Variants in THEMIS2 observed in about 807,000 individuals in gnomAD.
The protein encoded by THEMIS2 is protein THEMIS2.
A neutral mutation model predicts 46.8 loss-of-function variants in THEMIS2; 29 were observed. The observed-to-expected ratio is 0.62, with a 90% CI of 0.46 to 0.84. The LOEUF (loss-of-function observed/expected upper bound fraction) is 0.84, where lower values mean the gene tolerates loss of function less well. THEMIS2 is among the 40% of genes least tolerant of loss of function. The pLI, the probability that THEMIS2 is intolerant of heterozygous loss-of-function variation, is 0.00. For synonymous variants in THEMIS2, 335 were observed against 349.1 expected (o/e 0.96, Z 0.45); for missense variants, 698 against 834.7 (o/e 0.84, Z 2.02).
In THEMIS2 at chr1:27,881,965, C is replaced by T. The variant is rs2089686169; in HGVS notation, c.647-6C>T. The T allele has an allele frequency of 6.2e-7, 1 of 1,600,816 alleles. No homozygotes were observed. The highest frequency in any genetic ancestry group is 8.5e-7 in the Non-Finnish European group (1 of 1,171,796). On this transcript the variant is annotated splice_polypyrimidine_tract_variant and splice_region_variant and intron_variant, in intron 3 of 5. Transcript: ENST00000373921. ...TGCAGTGCCACTGAGCTGCCCCTCT[C>T]CACAGTGCGCAGGACCATTGTCAAG...
intron 1 of THEMIS2, among the ~76,000 whole-genome samples, chr1:27,873,793 C>A (rs943275072): frequency 2.0e-5 from 3 of 152,172 alleles, no homozygotes; most frequent in African/African-American, 7.2e-5. Context: ...CCTTTGCCTG[C>A]TGGTGTTACA....
At chr1:27,885,211 A>T in intron 4 of THEMIS2, 84 bp from the exon 5 acceptor site, 1 of 1,423,148 alleles carries the variant, frequency 7.0e-7, no homozygotes, top group South Asian at 1.3e-5. Context: ...AGAGGAAGTG[A>T]CACTTAACGT....
intron 5 of THEMIS2, 31 bp from the exon 6 acceptor site, chr1:27,885,836 A>C (rs1396736255): frequency 6.2e-7 from 1 of 1,612,602 alleles, no homozygotes; most frequent in Non-Finnish European, 8.5e-7. Flanking sequence ...CCTAACGCTA[A>C]AGATCCTCAT....
In THEMIS2 at chr1:27,879,727, C is replaced by T. The variant is rs2148637769; in HGVS notation, c.319C>T (p.Leu107=). 6.2e-7 allele frequency: 1 copy of T among 1,614,124 alleles called. No homozygotes were observed. The highest frequency in any genetic ancestry group is 2.2e-5 in the East Asian group (1 of 44,866). Residue 107 remains leucine (L), a synonymous_variant, in exon 3 of 6, where the codon CTG becomes TTG. Transcript: ENST00000373921. ...VSATTQSSKQ[L]PTCFMSTHRI... ...TGCCACAACTCAGAGCTCCAAGCAG[C>T]TGCCCACTTGCTTCATGTCGACCCA...
At position 27,879,842 on chromosome 1, in the gene THEMIS2, G is replaced by A. The variant is rs774829838; in HGVS notation, c.434G>A (p.Arg145His). 4.3e-6 allele frequency: 7 copies of A among 1,612,960 alleles called. No individual in the cohort carries two copies. Among genetic ancestry groups the A allele is most frequent in the African/African-American group, 1.3e-5 (1 of 74,898 alleles). The change falls in exon 3 of 6, where the codon CGC (arginine) becomes CAC (histidine). Residue 145 changes from arginine (R) to histidine (H), a missense_variant. Arg to His is a conservative substitution (Grantham distance 29, BLOSUM62 0). Transcript: ENST00000373921. ...ATGCACCTCGGGATCCGCTCTGCCC[G>A]CTGTGTCCTGGGCATGGAGGGTCAG... ...VVMHLGIRSA[R>H]CVLGMEGQQV...
chr1:27,884,820 T>A (rs1237760287), intron 4 of THEMIS2: 1 of 160,234 alleles, frequency 6.2e-6, no homozygotes, highest in Non-Finnish European at 1.4e-5. Context: ...CTCTCCTACA[T>A]AAACTGGGAA....
intron 2 of THEMIS2, among the ~76,000 whole-genome samples, chr1:27,879,060 C>T (rs781712509): frequency 8.7e-5 from 13 of 150,056 alleles, no homozygotes; most frequent in South Asian, 4.2e-4. Flanking sequence ...TTCCCAAAAG[C>T]GGTATCATGT....
rs376827259 is a variant in THEMIS2 at position 27,882,707 on chromosome 1, C to G, written c.1383C>G (p.Asp461Glu). ...LPCEVKVVAKDTSHPTDPLTS... is the reference protein window; with the variant it reads ...LPCEVKVVAKETSHPTDPLTS... The stretch of plus-strand genomic sequence containing the variant: ...GTGAGGTCAAGGTGGTGGCCAAGGA[C>G]ACCAGCCACCCCACTGACCCTCTGA... Residue 461 changes from aspartate (D) to glutamate (E), a missense_variant, in exon 4 of 6, where the codon GAC becomes GAG. Coordinates refer to ENST00000373921, the MANE Select transcript of THEMIS2 (RefSeq NM_001105556.3). The surrounding 1 kb of genome is among the most constrained non-coding windows in gnomAD (Gnocchi z 7.6). The G allele has an allele frequency of 2.5e-5, 41 of 1,613,916 alleles. No homozygotes were observed. The highest frequency in any genetic ancestry group is 1.7e-4 in the Admixed American group (10 of 59,980).
chr1:27,873,335 G>A (rs2089521064), intron 1 of THEMIS2, among the ~76,000 whole-genome samples: 1 of 152,174 alleles, frequency 6.6e-6, no homozygotes, highest in African/African-American at 2.4e-5. Context: ...GGGAATAACA[G>A]ACAGTGGAGG....
rs373086905 is a variant in THEMIS2, at chr1:27,882,640, G to A, written c.1316G>A (p.Arg439His). Reference sequence around the variant, plus strand: ...GTGGAGGAGATGAGTGACAGCCGGCGCTACAGCCTGGCAGATCTGACTGCC... The same window carrying A: ...GTGGAGGAGATGAGTGACAGCCGGCACTACAGCCTGGCAGATCTGACTGCC... ...SFVEEMSDSR[R>H]YSLADLTAQF... Residue 439 changes from arginine (R) to histidine (H), a missense_variant, in exon 4 of 6, where the codon CGC (arginine) becomes CAC (histidine). Arg to His is a conservative substitution (Grantham distance 29). Transcript: ENST00000373921. This position sits in a 1 kb window ranked among gnomAD's most constrained non-coding sequence, Gnocchi z 7.6. 1.9e-5 allele frequency: 31 copies of A among 1,614,050 alleles called. No individual in the cohort carries two copies. The highest frequency in any genetic ancestry group is 2.0e-5 in the Non-Finnish European group (24 of 1,180,038).
Position 27,872,619 on chromosome 1 carries a change from C to A in THEMIS2, c.48C>A (p.Ala16=). 1 of 1,475,586 alleles carries A rather than the reference C, an allele frequency of 6.8e-7. No individual in the cohort carries two copies. The highest frequency in any genetic ancestry group is 2.9e-5 in the East Asian group (1 of 34,642). The allele number at this position is 1,475,586 out of a possible 1,614,324, so 91.4% of individuals were successfully genotyped here. A position where few individuals can be genotyped will look rare whatever the true frequency, so the allele number is the denominator to read the frequency against. The change falls in exon 1 of 6, where the codon GCC becomes GCA. Residue 16 remains alanine (A), a synonymous_variant. Transcript: ENST00000373921. This position sits in a 1 kb window ranked among gnomAD's most constrained non-coding sequence, Gnocchi z 4.9. ...LQDFVRALDP[A]SLPRVLRVCS... ...ACTTCGTGCGCGCCTTGGACCCCGC[C>A]TCCCTCCCGCGCGTGCTGCGGGTCT...
chr1:27,883,719 G>C (rs192200978), intron 4 of THEMIS2: 8 of 152,616 alleles, frequency 5.2e-5, no homozygotes, highest in African/African-American at 1.9e-4. Context: ...CCTCCTTCAG[G>C]CTCACAGGCA....
intron 3 of THEMIS2, among the ~76,000 whole-genome samples, chr1:27,880,643 A>C (rs1483115185): frequency 1.3e-5 from 2 of 152,214 alleles, no homozygotes; most frequent in East Asian, 3.9e-4. Flanking sequence ...TTTTTTAAAA[A>C]ATTAGCTAGG....
chr1:27,879,833 G>A lies in THEMIS2; in HGVS notation c.425G>A (p.Arg142His), dbSNP rs149302250. 14 of 1,613,402 alleles carry A rather than the reference G, an allele frequency of 8.7e-6. No individual in the cohort carries two copies. The highest frequency in any genetic ancestry group is 1.6e-4 in the Middle Eastern group (1 of 6,078). Residue 142 changes from arginine to histidine, a missense_variant, in exon 3 of 6, where the codon CGC becomes CAC. Physicochemically the swap from Arg to His is conservative, Grantham distance 29. Transcript: ENST00000373921. ...LEAVVMHLGI[R>H]SARCVLGMEG... Reference sequence around the variant, plus strand: ...GCTGTGGTGATGCACCTCGGGATCCGCTCTGCCCGCTGTGTCCTGGGCATG... The same window carrying A: ...GCTGTGGTGATGCACCTCGGGATCCACTCTGCCCGCTGTGTCCTGGGCATG...
intron 4 of THEMIS2, 27 bp downstream of exon 4, chr1:27,883,070 G>A: frequency 1.3e-6 from 2 of 1,578,796 alleles, no homozygotes; most frequent in Non-Finnish European, 8.6e-7. Context: ...AGAGGGCACG[G>A]AGGGGTCACC....
In THEMIS2 at chr1:27,882,450, G is replaced by A; in HGVS notation, c.1126G>A (p.Val376Met). Residue 376 changes from valine to methionine, a missense_variant, in exon 4 of 6, where the codon GTG (valine) becomes ATG (methionine). Val to Met is a conservative substitution (Grantham distance 21). Coordinates refer to ENST00000373921, the MANE Select transcript of THEMIS2 (RefSeq NM_001105556.3). The surrounding 1 kb of genome is among the most constrained non-coding windows in gnomAD (Gnocchi z 7.6). The part of the protein sequence containing the change: ...TSLAVGDRLE[V>M]LGPGQAHGAQ... Reference sequence around the variant, plus strand: ...CCTGGCTGTGGGTGACCGGCTGGAGGTGCTGGGGCCTGGCCAGGCCCATGG... The same window carrying A: ...CCTGGCTGTGGGTGACCGGCTGGAGATGCTGGGGCCTGGCCAGGCCCATGG... 1.2e-6 allele frequency: 2 copies of A among 1,612,750 alleles called. No individual in the cohort carries two copies. The highest frequency in any genetic ancestry group is 1.3e-5 in the African/African-American group (1 of 75,038).
rs913680334 is a variant in THEMIS2 at position 27,876,536 on chromosome 1, G to A, written c.95-52G>A. On this transcript the variant is annotated intron_variant, in intron 1 of 5. Transcript: ENST00000373921. ...CTTGTTGGGCACCAGGGCACAGGCTGCCCAGCACTTGGCCCTTGTCCAATG... is the reference window on the plus strand; with the variant it reads ...CTTGTTGGGCACCAGGGCACAGGCTACCCAGCACTTGGCCCTTGTCCAATG... The A allele has an allele frequency of 4.4e-6, 7 of 1,594,442 alleles. No individual in the cohort carries two copies. The African/African-American group carries it at 6.7e-5, about 15-fold the overall frequency.
At chr1:27,876,424 G>A (rs993617182) in intron 1 of THEMIS2, among the ~76,000 whole-genome samples, 164 bp from the exon 2 acceptor site, 1 of 152,110 alleles carries the variant, frequency 6.6e-6, no homozygotes, top group Non-Finnish European at 1.5e-5. Flanking sequence ...AGCTGAGGAC[G>A]ACTGAACCTG....
At position 27,879,823 on chromosome 1, in the gene THEMIS2, C is replaced by G; in HGVS notation, c.415C>G (p.Leu139Val). 1.2e-6 allele frequency: 2 copies of G among 1,613,784 alleles called. No homozygotes were observed. The highest frequency in any genetic ancestry group is 1.7e-4 in the Middle Eastern group (1 of 6,060). The change falls in exon 3 of 6, where the codon CTC (leucine) becomes GTC (valine). Residue 139 changes from leucine to valine, a missense_variant. By Grantham distance (32) the Leu-to-Val change is conservative. Transcript: ENST00000373921. ...CATGCTTGAGGCTGTGGTGATGCAC[C>G]TCGGGATCCGCTCTGCCCGCTGTGT... Reference protein sequence around the residue: ...LLMLEAVVMHLGIRSARCVLG... With the variant: ...LLMLEAVVMHVGIRSARCVLG...
Sources: gnomAD v4.1 joint callset for allele counts (sites outside exome capture counted in the v4.1 genomes callset) on GRCh38, gnomAD v4.1.1 for gene constraint, Gnocchi (gnomAD v3.1) non-coding constraint, MANE v1.5 for transcripts, NCBI Gene and HGNC (gene_info 2026-07-23, HGNC 2026-07-21) for gene names.